Variants in HNF4A observed in about 807,000 individuals in gnomAD.
HNF4A encodes hepatocyte nuclear factor 4 alpha.
A neutral mutation model predicts 52.4 loss-of-function variants in HNF4A; 15 were observed. That is an observed-to-expected ratio of 0.29 (90% confidence interval 0.19 to 0.44). The LOEUF is 0.44. Among genes scored for constraint, HNF4A ranks in the 20% least tolerant of loss-of-function variants. The pLI, the probability that HNF4A is intolerant of heterozygous loss-of-function variation, is 1.00. For synonymous variants in HNF4A, 280 were observed against 264.4 expected (o/e 1.06, Z -0.57); for missense variants, 479 against 647.2 (o/e 0.74, Z 2.82).
chr20:44,433,166 T>A (rs1184864204), downstream of HNF4A: 1 of 151,908 alleles, frequency 6.6e-6, no homozygotes, highest in Non-Finnish European at 1.5e-5. Flanking sequence ...TGAAAGTTGA[T>A]CCCCCTTCTT....
rs1160071014 is a variant in HNF4A at position 44,429,656 on chromosome 20, A to G, written c.1416A>G (p.Glu472=). The stretch of plus-strand genomic sequence containing the variant: ...CCCAGCCGACCATCACCAAGCAGGA[A>G]GTTATCTAGCAAGCCGCTGGGGCTT... Residue 472 remains glutamate (E), a synonymous_variant, in exon 10 of 10, where the codon GAA becomes GAG. Transcript: ENST00000316099. 2 of 1,614,002 alleles carry G rather than the reference A, an allele frequency of 1.2e-6. No homozygotes were observed. Among genetic ancestry groups the G allele is most frequent in the East Asian group, 2.2e-5 (1 of 44,818 alleles).
intron 6 of HNF4A, among the ~76,000 whole-genome samples, chr20:44,418,723 C>A (rs920475090): frequency 1.3e-5 from 2 of 152,216 alleles, no homozygotes; most frequent in African/African-American, 4.8e-5. Flanking sequence ...TGCAAGTCAC[C>A]AAATTCCCAG....
intron 1 of HNF4A, chr20:44,401,497 G>A: frequency 6.2e-7 from 1 of 1,614,184 alleles, no homozygotes; most frequent in Non-Finnish European, 8.5e-7. Context: ...GGTAGGTGGG[G>A]GCAGATGTGC....
intron 1 of HNF4A, among the ~76,000 whole-genome samples, chr20:44,381,232 C>T (rs1005351014): frequency 8.6e-5 from 13 of 150,396 alleles, no homozygotes; most frequent in Admixed American, 5.9e-4. Flanking sequence ...GTAGCATCCA[C>T]ATTTTGGTCC....
At chr20:44,365,546 A>G (rs1241927347) in intron 1 of HNF4A, among the ~76,000 whole-genome samples, 1 of 152,164 alleles carries the variant, frequency 6.6e-6, no homozygotes, top group Non-Finnish European at 1.5e-5. Flanking sequence ...AGCAAATGTG[A>G]CAGAATGCAA....
chr20:44,364,482 T>A (rs1373047222), intron 1 of HNF4A, among the ~76,000 whole-genome samples: 1 of 152,176 alleles, frequency 6.6e-6, no homozygotes, highest in African/African-American at 2.4e-5. Flanking sequence ...TTTTTATTTT[T>A]TTTTTCTAGA....
intron 1 of HNF4A, among the ~76,000 whole-genome samples, chr20:44,378,279 T>TC (rs1333520520): frequency 6.6e-6 from 1 of 151,864 alleles, no homozygotes. Context: ...GTATTTTTTT[T>TC]TTTTTTTGAA....
intron 1 of HNF4A, chr20:44,377,897 G>C (rs1365620141): frequency 6.6e-6 from 1 of 152,120 alleles, no homozygotes; most frequent in East Asian, 1.9e-4. Flanking sequence ...GTGGATGAGA[G>C]TTTCTCTAGG....
rs368041020 is a variant in HNF4A at position 44,371,372 on chromosome 20, G to A, written c.49+15519G>A. Among the ~76,000 whole-genome samples the A allele has an allele frequency of 2.4e-4, 37 of 152,290 alleles. No individual in the cohort carries two copies. The East Asian group carries it at 5.4e-3, about 22-fold the overall frequency. ...GGCTCACTGCAATCTCCGCCTCCCA[G>A]GTTCAAGTAATTCTCCTGCCTCAGC... On this transcript the variant is annotated intron_variant, in intron 1 of 9. Coordinates refer to the HNF4A transcript ENST00000316673.
intron 3 of HNF4A, chr20:44,408,302 A>C (rs2063532118): frequency 6.5e-6 from 1 of 154,660 alleles, no homozygotes; most frequent in African/African-American, 2.4e-5. Flanking sequence ...GGAAGATCTG[A>C]AGTCCCAGAG....
At chr20:44,410,952 G>C (rs1379433314) in intron 3 of HNF4A, among the ~76,000 whole-genome samples, 1 of 152,070 alleles carries the variant, frequency 6.6e-6, no homozygotes, top group Non-Finnish European at 1.5e-5. Flanking sequence ...CCACAGGATA[G>C]TCCACCATGG....
chr20:44,370,024 T>TTTTG (rs949186565), intron 1 of HNF4A, among the ~76,000 whole-genome samples: 6 of 151,798 alleles, frequency 4.0e-5, no homozygotes, highest in Non-Finnish European at 8.8e-5. Flanking sequence ...CTTTTGTTTT[T>TTTTG]TTTGTTTGTT....
chr20:44,407,081 G>A (rs2063511235), intron 2 of HNF4A, among the ~76,000 whole-genome samples: 1 of 152,190 alleles, frequency 6.6e-6, no homozygotes. Context: ...GGAAATAGCA[G>A]GGCTCTGGTA....
intron 1 of HNF4A, among the ~76,000 whole-genome samples, chr20:44,359,405 C>T (rs960390633): frequency 1.3e-5 from 2 of 152,140 alleles, no homozygotes; most frequent in African/African-American, 4.8e-5. Context: ...TTTCTTTTAT[C>T]CAAAAGCAAA....
At chr20:44,418,292 G>A (rs2063694037) in intron 5 of HNF4A, 133 bp from the exon 6 acceptor site, 2 of 779,958 alleles carry the variant, frequency 2.6e-6, no homozygotes, top group East Asian at 2.4e-5. Context: ...GTAGTTTTAT[G>A]ATGCCCATTT....
At chr20:44,367,794 C>T (rs1441117006) in intron 1 of HNF4A, among the ~76,000 whole-genome samples, 2 of 151,864 alleles carry the variant, frequency 1.3e-5, no homozygotes, top group African/African-American at 4.8e-5. Flanking sequence ...AAATAAATTA[C>T]TCCTTTAATC....
Position 44,355,721 on chromosome 20 carries a change from A to G in HNF4A, c.-84A>G, listed in dbSNP as rs1311216788. On this transcript the variant is annotated 5_prime_UTR_variant, in exon 1 of 10. Coordinates refer to the HNF4A transcript ENST00000316673. ...GCCGCACTCACCGCCTTCCTGGTGGACGGGCTCCTGGTGGCTGTGCTGCTG... is the reference window on the plus strand; with the variant it reads ...GCCGCACTCACCGCCTTCCTGGTGGGCGGGCTCCTGGTGGCTGTGCTGCTG... The G allele has an allele frequency of 3.2e-6, 4 of 1,250,272 alleles. No homozygotes were observed. In the East Asian group the frequency reaches 9.3e-5, roughly 29 times the overall value. The allele number at this position is 1,250,272 out of a possible 1,614,324, so 77.4% of individuals were successfully genotyped here.
chr20:44,402,891 T>G (rs949299001), intron 1 of HNF4A, among the ~76,000 whole-genome samples: 4 of 152,166 alleles, frequency 2.6e-5, no homozygotes, highest in African/African-American at 2.4e-5. Flanking sequence ...GCTCAGCAGG[T>G]GCTCACCTGC....
intron 8 of HNF4A, among the ~76,000 whole-genome samples, chr20:44,425,566 G>A (rs2063805285): frequency 6.6e-6 from 1 of 152,090 alleles, no homozygotes; most frequent in Non-Finnish European, 1.5e-5. Flanking sequence ...CTGAAATGAG[G>A]AGGACAGAAT....
Sources: allele counts gnomAD v4.1 joint callset (sites outside exome capture counted in the v4.1 genomes callset), GRCh38; gene constraint gnomAD v4.1.1; transcripts MANE v1.5; gene names NCBI Gene and HGNC (gene_info 2026-07-23, HGNC 2026-07-21).